The following PDE2A variants were observed in gnomAD, a reference collection of about 807,000 sequenced individuals.
PDE2A encodes cGMP-dependent 3',5'-cyclic phosphodiesterase.
In PDE2A, 53 loss-of-function variants were observed where a neutral mutation model predicts 133.6. The observed-to-expected ratio is 0.40, with a 90% confidence interval of 0.32 to 0.50. PDE2A has a LOEUF of 0.50. Among genes scored for constraint, PDE2A ranks in the 20% least tolerant of loss-of-function variants. The pLI is 0.73. For synonymous variants in PDE2A, 491 were observed against 490.2 expected (o/e 1.00, Z -0.02); for missense variants, 796 against 1,232.4 (o/e 0.65, Z 5.30).
chr11:72,633,085 C>T lies in PDE2A; in HGVS notation c.144+9169G>A, dbSNP rs370080463. The stretch of plus-strand genomic sequence containing the variant: ...CAACCCGCCAATAACCTACCAGTGC[C>T]CTGGAGGCCTGGACTCCATAGCCGC... On this transcript the variant is annotated intron_variant, in intron 2 of 30. Coordinates refer to ENST00000334456, the MANE Select transcript of PDE2A (RefSeq NM_002599.5). 1.2e-3 allele frequency among the ~76,000 whole-genome samples: 187 copies of T among 152,330 alleles called. 2 individuals carry two copies. The South Asian group carries it at 0.038, about 31-fold the overall frequency.
chr11:72,670,077 T>G (rs1323442164), intron 1 of PDE2A, among the ~76,000 whole-genome samples: 1 of 152,162 alleles, frequency 6.6e-6, no homozygotes, highest in African/African-American at 2.4e-5. Flanking sequence ...TAGGCCACTC[T>G]GAACTCCTAT....
intron 6 of PDE2A, among the ~76,000 whole-genome samples, chr11:72,595,275 C>A (rs1028623058): frequency 1.3e-5 from 2 of 152,184 alleles, no homozygotes; most frequent in Non-Finnish European, 1.5e-5. Context: ...CCAGCCACCA[C>A]CTCCCAATCC....
rs554358247 is a variant in PDE2A, at chr11:72,635,811, G to A, written c.144+6443C>T. The stretch of plus-strand genomic sequence containing the variant: ...TCGGACCTCAGCATTCTGATAATTC[G>A]GGAAATGGAACAGCTTTCCCATTCT... On this transcript the variant is annotated intron_variant, in intron 2 of 30. Coordinates refer to ENST00000334456, the MANE Select transcript of PDE2A (RefSeq NM_002599.5). Among the ~76,000 whole-genome samples, 9 of 152,278 alleles carry A rather than the reference G, an allele frequency of 5.9e-5. No homozygotes were observed. In the South Asian group the frequency reaches 1.5e-3, roughly 25 times the overall value.
intron 2 of PDE2A, among the ~76,000 whole-genome samples, chr11:72,640,247 C>T (rs555917845): frequency 3.0e-4 from 46 of 152,212 alleles, no homozygotes; most frequent in African/African-American, 1.0e-3. Flanking sequence ...TCAATACGCA[C>T]GCCACCTAGA....
chr11:72,620,626 C>T (rs1047506524), intron 2 of PDE2A, among the ~76,000 whole-genome samples: 1 of 152,184 alleles, frequency 6.6e-6, no homozygotes, highest in Non-Finnish European at 1.5e-5. Context: ...ACCTGTGCCT[C>T]AGCTGCGGGT....
Position 72,577,218 on chromosome 11 carries a change from T to C in PDE2A, c.*166A>G. On this transcript the variant is annotated 3_prime_UTR_variant, in exon 31 of 31. Coordinates refer to ENST00000334456, the MANE Select transcript of PDE2A (RefSeq NM_002599.5). ...GTGAGGTTGGAAGTCTTGCTTCCAT[T>C]ATACAGACGAGAAAGCTGAGGCCCA... 1 of 601,034 alleles carries C rather than the reference T, an allele frequency of 1.7e-6. No individual in the cohort carries two copies. The highest frequency in any genetic ancestry group is 2.9e-6 in the Non-Finnish European group (1 of 339,452). The allele number at this position is 601,034 out of a possible 1,614,324, so 37.2% of individuals were successfully genotyped here.
intron 1 of PDE2A, among the ~76,000 whole-genome samples, chr11:72,665,512 T>A (rs1257476945): frequency 6.6e-6 from 1 of 152,050 alleles, no homozygotes; most frequent in Non-Finnish European, 1.5e-5. Context: ...CCTTGCACCT[T>A]CCACTGCCCA....
rs1483972568 is a variant in PDE2A at position 72,589,775 on chromosome 11, C to A, written c.849G>T (p.Val283=). 1.2e-6 allele frequency: 2 copies of A among 1,613,934 alleles called. No individual in the cohort carries two copies. The highest frequency in any genetic ancestry group is 1.7e-6 in the Non-Finnish European group (2 of 1,179,948). The change falls in exon 11 of 31, where the codon GTG becomes GTT. Residue 283 remains valine (V), a synonymous_variant. Coordinates refer to ENST00000334456, the MANE Select transcript of PDE2A (RefSeq NM_002599.5). ...CGGGAAAGCTGACCTCTTCCCCGAG[C>A]ACTTTGTCTCCGATGACCTGAGGAA... ...QLSCKVIGDK[V]LGEEVSFPLT...
At chr11:72,619,706 T>G (rs1857656907) in intron 2 of PDE2A, among the ~76,000 whole-genome samples, 2 of 152,072 alleles carry the variant, frequency 1.3e-5, no homozygotes, top group Admixed American at 6.6e-5. Context: ...AATGAGTGAG[T>G]GAACGTGTGG....
At chr11:72,617,027 G>T (rs1386122849) in intron 2 of PDE2A, among the ~76,000 whole-genome samples, 1 of 152,222 alleles carries the variant, frequency 6.6e-6, no homozygotes. Context: ...GGAGCCAGGA[G>T]ACCCATGCTT....
intron 2 of PDE2A, among the ~76,000 whole-genome samples, chr11:72,617,758 A>T (rs1157196811): frequency 6.6e-6 from 1 of 152,210 alleles, no homozygotes; most frequent in Non-Finnish European, 1.5e-5. Flanking sequence ...GAAGCCCCTG[A>T]GGAGAAGTCC....
intron 4 of PDE2A, among the ~76,000 whole-genome samples, chr11:72,600,566 C>T (rs1384734163): frequency 6.6e-6 from 1 of 152,148 alleles, no homozygotes; most frequent in Non-Finnish European, 1.5e-5. Context: ...CCACAGACTG[C>T]GAGGGGGAAT....
At chr11:72,586,036 G>T (rs77402354) in intron 14 of PDE2A, 34 bp downstream of exon 14, 2 of 1,257,412 alleles carry the variant, frequency 1.6e-6, no homozygotes, top group Non-Finnish European at 2.3e-6. Flanking sequence ...TGAGCGAGTC[G>T]GTGCCCGAGA....
Position 72,578,302 on chromosome 11 carries a change from T to TA in PDE2A, c.2545_2546insT (p.Asp849ValfsTer9). Reference sequence around the variant, plus strand: ...CTCAGGGATATAGGCCTTCTCCCGGTCCATCATCTCCATCGGCCTGTTGCC... The same window carrying TA: ...CTCAGGGATATAGGCCTTCTCCCGGTACCATCATCTCCATCGGCCTGTTGCC... On this transcript the variant is annotated frameshift_variant, in exon 30 of 31. Transcript: ENST00000334456. LOFTEE classifies it high-confidence loss of function. The surrounding 1 kb of genome is among the most constrained non-coding windows in gnomAD (Gnocchi z 4.2). 1 of 1,613,866 alleles carries TA rather than the reference T, an allele frequency of 6.2e-7. No individual in the cohort carries two copies. Among genetic ancestry groups the TA allele is most frequent in the Non-Finnish European group, 8.5e-7 (1 of 1,179,860 alleles).
chr11:72,578,135 G>A lies in PDE2A; in HGVS notation c.2615+98C>T. Reference sequence around the variant, plus strand: ...GCAAGGGGATGAATCAGTTGGACCTGGGCCAGGCCAATCTCAGCACCTGTG... The same window carrying A: ...GCAAGGGGATGAATCAGTTGGACCTAGGCCAGGCCAATCTCAGCACCTGTG... On this transcript the variant is annotated intron_variant, in intron 30 of 30. Coordinates refer to ENST00000334456, the MANE Select transcript of PDE2A (RefSeq NM_002599.5). The surrounding 1 kb of genome is among the most constrained non-coding windows in gnomAD (Gnocchi z 4.2). 1 of 803,656 alleles carries A rather than the reference G, an allele frequency of 1.2e-6. No homozygotes were observed. The highest frequency in any genetic ancestry group is 2.2e-6 in the Non-Finnish European group (1 of 461,152). The allele number at this position is 803,656 out of a possible 1,614,324, so 49.8% of individuals were successfully genotyped here.
chr11:72,617,323 G>T (rs1455458232), intron 2 of PDE2A, among the ~76,000 whole-genome samples: 1 of 152,186 alleles, frequency 6.6e-6, no homozygotes, highest in Non-Finnish European at 1.5e-5. Flanking sequence ...TGGGGTGGAT[G>T]GCGGGAGGCA....
At position 72,597,707 on chromosome 11, in the gene PDE2A, T is replaced by G. The variant is rs961312131; in HGVS notation, c.324-88A>C. 2.4e-6 allele frequency: 2 copies of G among 827,932 alleles called. No individual in the cohort carries two copies. Among genetic ancestry groups the G allele is most frequent in the Non-Finnish European group, 3.9e-6 (2 of 507,080 alleles). The allele number at this position is 827,932 out of a possible 1,614,324, so 51.3% of individuals were successfully genotyped here. A position where few individuals can be genotyped will look rare whatever the true frequency, so the allele number is the denominator to read the frequency against. On this transcript the variant is annotated intron_variant, in intron 4 of 30. Transcript: ENST00000334456. The surrounding 1 kb of genome is among the most constrained non-coding windows in gnomAD (Gnocchi z 4.6). ...TGGGAACACAGGACAGTTTGGACCC[T>G]GCACATGTGCAAGGATCTGGGCAAG...
intron 1 of PDE2A, among the ~76,000 whole-genome samples, chr11:72,653,738 C>A (rs966168708): frequency 2.5e-4 from 38 of 152,352 alleles, no homozygotes; most frequent in African/African-American, 9.1e-4. Context: ...CAGTCCTGGG[C>A]CCCTGCTCCT....
chr11:72,634,232 A>C (rs535222744), intron 2 of PDE2A, among the ~76,000 whole-genome samples: 4 of 152,250 alleles, frequency 2.6e-5, no homozygotes, highest in Middle Eastern at 3.4e-3. Flanking sequence ...TCTGGCCTGC[A>C]GCTGGGGAGG....
Sources: gnomAD v4.1 joint callset for allele counts (sites outside exome capture counted in the v4.1 genomes callset) on GRCh38, gnomAD v4.1.1 for gene constraint, Gnocchi (gnomAD v3.1) non-coding constraint, MANE v1.5 for transcripts, NCBI Gene and HGNC (gene_info 2026-07-23, HGNC 2026-07-21) for gene names.